The following PHACTR3 variants were observed in gnomAD, a reference collection of about 807,000 sequenced individuals.
PHACTR3 encodes phosphatase and actin regulator 3.
PHACTR3 carries 16 observed loss-of-function variants against 66.8 expected under a neutral mutation model. The ratio of observed to expected loss-of-function variants is 0.24; its 90% CI spans 0.16 to 0.36. The LOEUF (loss-of-function observed/expected upper bound fraction) is 0.36. Ranked by LOEUF, PHACTR3 falls within the 10% of genes least tolerant of loss-of-function variation. The pLI is 1.00. For missense variants in PHACTR3, 647 were observed against 719.9 expected (o/e 0.90, Z 1.16); for synonymous variants, 323 against 292.1 (o/e 1.11, Z -1.08).
At chr20:59,634,607 G>A (rs1262009089) in intron 1 of PHACTR3, among the ~76,000 whole-genome samples, 4 of 152,064 alleles carry the variant, frequency 2.6e-5, no homozygotes, top group African/African-American at 9.7e-5. Context: ...AAAATTTCCC[G>A]GTCTAAACTG....
At chr20:59,693,697 C>T (rs1015524198) in intron 1 of PHACTR3, among the ~76,000 whole-genome samples, 3 of 152,152 alleles carry the variant, frequency 2.0e-5, no homozygotes, top group Non-Finnish European at 2.9e-5. Context: ...GTGGTTCTTC[C>T]AATCTTGGCT....
At chr20:59,733,702 C>T (rs1601217885) in intron 1 of PHACTR3, among the ~76,000 whole-genome samples, 1 of 152,088 alleles carries the variant, frequency 6.6e-6, no homozygotes, top group East Asian at 1.9e-4. Flanking sequence ...TAGCATGTGC[C>T]CTGGGGTAAT....
chr20:59,683,169 C>T (rs183856478), intron 1 of PHACTR3, among the ~76,000 whole-genome samples: 6 of 152,220 alleles, frequency 3.9e-5, no homozygotes, highest in Admixed American at 3.3e-4. Flanking sequence ...CAGGTTCTGT[C>T]GTGAGTAACA....
intron 7 of PHACTR3, among the ~76,000 whole-genome samples, chr20:59,775,311 G>A (rs1288455535): frequency 7.9e-5 from 12 of 152,102 alleles, no homozygotes; most frequent in African/African-American, 2.2e-4. Context: ...ATCAGGAAGC[G>A]TCCGTTGCTG....
chr20:59,727,776 T>A (rs2146706648), intron 1 of PHACTR3, among the ~76,000 whole-genome samples: 1 of 152,282 alleles, frequency 6.6e-6, no homozygotes, highest in South Asian at 2.1e-4. Context: ...CATCAGAACA[T>A]TTTGGATTTC....
chr20:59,603,449 C>G (rs182794337), upstream of PHACTR3: 8 of 152,582 alleles, frequency 5.2e-5, no homozygotes, highest in East Asian at 1.5e-3. Flanking sequence ...CTTTATTCCC[C>G]CTCCCCACCA....
intron 8 of PHACTR3, among the ~76,000 whole-genome samples, chr20:59,813,356 G>T (rs766183380): frequency 1.3e-5 from 2 of 152,188 alleles, no homozygotes; most frequent in Non-Finnish European, 2.9e-5. Context: ...CTGCCTCAGG[G>T]TTAATCCATG....
intron 7 of PHACTR3, among the ~76,000 whole-genome samples, chr20:59,792,096 T>A (rs2041121183): frequency 6.6e-6 from 1 of 152,188 alleles, no homozygotes; most frequent in African/African-American, 2.4e-5. Flanking sequence ...CAGGCACCTC[T>A]CTTCACTCTA....
At chr20:59,772,952 C>G (rs2040405899) in intron 5 of PHACTR3, among the ~76,000 whole-genome samples, 1 of 152,182 alleles carries the variant, frequency 6.6e-6, no homozygotes, top group African/African-American at 2.4e-5. Context: ...GAACAAGAAG[C>G]AGCTTCAGGA....
upstream of PHACTR3, among the ~76,000 whole-genome samples, chr20:59,600,604 G>A (rs1375248408): frequency 6.6e-6 from 1 of 152,232 alleles, no homozygotes; most frequent in African/African-American, 2.4e-5. Flanking sequence ...CACCTTTGCA[G>A]TGATGTGCTC....
intron 4 of PHACTR3, among the ~76,000 whole-genome samples, chr20:59,756,089 T>A (rs2039783258): frequency 6.6e-6 from 1 of 152,076 alleles, no homozygotes; most frequent in Admixed American, 6.5e-5. Context: ...TTTAATTGAA[T>A]AGACCAGGGC....
intron 1 of PHACTR3, among the ~76,000 whole-genome samples, chr20:59,618,596 C>T (rs1264761552): frequency 6.6e-6 from 1 of 152,164 alleles, no homozygotes; most frequent in Non-Finnish European, 1.5e-5. Context: ...AAGGGAAGGG[C>T]AGGAGAGGGA....
chr20:59,670,569 T>C (rs898740357), intron 1 of PHACTR3, among the ~76,000 whole-genome samples: 7 of 104,986 alleles, frequency 6.7e-5, no homozygotes, highest in African/African-American at 2.5e-4. Context: ...TTTGACCTTC[T>C]CTGGAGGGTA....
At chr20:59,586,322 T>C (rs2033026474) in intron 1 of PHACTR3, among the ~76,000 whole-genome samples, 1 of 152,318 alleles carries the variant, frequency 6.6e-6, no homozygotes. Context: ...CACTTACGAG[T>C]GTCCGAAACA....
At chr20:59,823,937 C>T (rs539281110) in intron 8 of PHACTR3, among the ~76,000 whole-genome samples, 1 of 152,350 alleles carries the variant, frequency 6.6e-6, no homozygotes, top group Admixed American at 6.5e-5. Flanking sequence ...GCAACCAGTT[C>T]CTGATCCATG....
intron 8 of PHACTR3, among the ~76,000 whole-genome samples, chr20:59,814,758 A>G (rs750833923): frequency 8.6e-5 from 13 of 152,022 alleles, no homozygotes; most frequent in African/African-American, 1.2e-4. Context: ...AATAAGCCCT[A>G]TCTGTCTCTC....
At chr20:59,725,968 T>C (rs816106) in intron 1 of PHACTR3, among the ~76,000 whole-genome samples, 59,428 of 151,982 alleles carry the variant, frequency 0.39, 13,037 homozygotes, top group African/African-American at 0.59. Context: ...GGTCAGGCCA[T>C]GTGGATCCAG....
chr20:59,822,066 C>CGATCCCA (rs1568856230), intron 8 of PHACTR3, among the ~76,000 whole-genome samples: 2 of 24,398 alleles, frequency 8.2e-5, no homozygotes, highest in African/African-American at 7.1e-4. Flanking sequence ...CAGCGATCCG[C>CGATCCCA]CCCGCAACGA....
chr20:59,817,752 A>G (rs2041926864), intron 8 of PHACTR3, among the ~76,000 whole-genome samples: 1 of 152,190 alleles, frequency 6.6e-6, no homozygotes, highest in Non-Finnish European at 1.5e-5. Flanking sequence ...GAAACCGAAG[A>G]TTTGATTTTT....
Sources: gnomAD v4.1 joint callset for allele counts (sites outside exome capture counted in the v4.1 genomes callset) on GRCh38, gnomAD v4.1.1 for gene constraint, MANE v1.5 for transcripts, NCBI Gene and HGNC (gene_info 2026-07-23, HGNC 2026-07-21) for gene names.